Variants in GPT2 observed in about 807,000 individuals in gnomAD.
The protein encoded by GPT2 is alanine aminotransferase 2.
A neutral mutation model predicts 56.9 loss-of-function variants in GPT2; 30 were observed. The ratio of observed to expected loss-of-function variants is 0.53; its 90% CI spans 0.39 to 0.72. GPT2 has a LOEUF of 0.72. GPT2 is among the 30% of genes least tolerant of loss of function. The pLI, the probability that GPT2 is intolerant of heterozygous loss-of-function variation, is 0.00. For synonymous variants in GPT2, 271 were observed against 283.1 expected, an observed-to-expected ratio of 0.96 and a Z score of 0.43; for missense variants, 542 against 703.4, an observed-to-expected ratio of 0.77 and a Z score of 2.60.
chr16:46,897,372 CA>C (rs1308990453), intron 2 of GPT2, among the ~76,000 whole-genome samples: 1 of 151,900 alleles, frequency 6.6e-6, no homozygotes, highest in African/African-American at 2.4e-5. Flanking sequence ...GCCTCTGTCT[CA>C]AAAAAATAAA....
At chr16:46,910,659 G>C (rs919208195) in intron 6 of GPT2, among the ~76,000 whole-genome samples, 1 of 152,222 alleles carries the variant, frequency 6.6e-6, no homozygotes, top group African/African-American at 2.4e-5. Flanking sequence ...TGAAGTGCAA[G>C]TGGTATGATC....
chr16:46,924,907 C>T (rs1961372676), intron 10 of GPT2, among the ~76,000 whole-genome samples: 1 of 152,054 alleles, frequency 6.6e-6, no homozygotes. Flanking sequence ...TCAGTGTGTG[C>T]ACCGATCACC....
At chr16:46,923,964 C>G (rs2143557870) in intron 9 of GPT2, 1 of 321,414 alleles carries the variant, frequency 3.1e-6, no homozygotes, top group African/African-American at 2.1e-5. Context: ...GAACCCATGA[C>G]ACAGGCTGCT....
At chr16:46,884,536 GGC>G in intron 1 of GPT2, 69 bp downstream of exon 1, 1 of 686,940 alleles carries the variant, frequency 1.5e-6, no homozygotes, top group Non-Finnish European at 2.0e-6. Context: ...GTGCTTCAGC[GGC>G]GCCGTGGAGG....
Position 46,924,366 on chromosome 16 carries a change from G to A in GPT2, c.1213-23G>A, listed in dbSNP as rs771361239. ...TCTTTATCCAGAGATACTGACTGCT[G>A]TGCTGTTTCCATCTCTCATCAGGAG... On this transcript the variant is annotated intron_variant, in intron 9 of 11. Transcript: ENST00000340124. 4 of 1,613,704 alleles carry A rather than the reference G, an allele frequency of 2.5e-6. No homozygotes were observed. In the Admixed American group the frequency reaches 6.7e-5, roughly 27 times the overall value.
At chr16:46,910,842 C>G (rs998364164) in intron 6 of GPT2, among the ~76,000 whole-genome samples, 1 of 152,106 alleles carries the variant, frequency 6.6e-6, no homozygotes, top group African/African-American at 2.4e-5. Flanking sequence ...TCAAGTGATC[C>G]TCCCAAAGCA....
intron 2 of GPT2, among the ~76,000 whole-genome samples, chr16:46,891,504 A>C (rs1057284009): frequency 5.9e-5 from 9 of 151,894 alleles, no homozygotes; most frequent in African/African-American, 2.2e-4. Flanking sequence ...CCTGACTTCA[A>C]GGGATTACCC....
At chr16:46,907,942 C>T (rs1319446860) in intron 5 of GPT2, among the ~76,000 whole-genome samples, 1 of 152,024 alleles carries the variant, frequency 6.6e-6, no homozygotes, top group East Asian at 2.0e-4. Flanking sequence ...GTCTACAGTC[C>T]TGGGCTTGGG....
At chr16:46,884,602 G>T in intron 1 of GPT2, 92 bp from the exon 2 acceptor site, 3 of 1,256,860 alleles carry the variant, frequency 2.4e-6, no homozygotes, top group Non-Finnish European at 2.0e-6. Flanking sequence ...GGCACCGCTC[G>T]CTGAAAGAGC....
intron 2 of GPT2, among the ~76,000 whole-genome samples, chr16:46,896,780 G>C (rs1444271670): frequency 6.6e-6 from 1 of 152,222 alleles, no homozygotes; most frequent in African/African-American, 2.4e-5. Flanking sequence ...GGGATGCTTG[G>C]GCAGCCAGAA....
At chr16:46,923,639 C>T (rs905191771) in intron 9 of GPT2, among the ~76,000 whole-genome samples, 3 of 152,236 alleles carry the variant, frequency 2.0e-5, no homozygotes, top group East Asian at 3.8e-4. Context: ...ACACCTTCCA[C>T]GCCACTTGGC....
chr16:46,928,758 T>A (rs1021309067), intron 11 of GPT2, 149 bp from the exon 12 acceptor site: 2 of 631,064 alleles, frequency 3.2e-6, no homozygotes, highest in Non-Finnish European at 5.7e-6. Flanking sequence ...GGGAAAGTGG[T>A]CCAAGTGCTG....
At chr16:46,927,643 C>T (rs186268731) in intron 11 of GPT2, among the ~76,000 whole-genome samples, 4 of 152,306 alleles carry the variant, frequency 2.6e-5, no homozygotes, top group African/African-American at 9.6e-5. Context: ...CAGAGGTCTC[C>T]TGCGGCAGAT....
At chr16:46,902,137 A>G (rs1351471285) in intron 4 of GPT2, among the ~76,000 whole-genome samples, 1 of 152,216 alleles carries the variant, frequency 6.6e-6, no homozygotes, top group Non-Finnish European at 1.5e-5. Flanking sequence ...AAGCCTCATC[A>G]ACAGGTTTTT....
chr16:46,885,609 T>C (rs1206297854), intron 2 of GPT2: 3 of 911,334 alleles, frequency 3.3e-6, no homozygotes, highest in Non-Finnish European at 3.9e-6. Flanking sequence ...CCTGTCGGGC[T>C]TTGGTAAGGG....
At chr16:46,923,389 C>T (rs1307802850) in intron 9 of GPT2, among the ~76,000 whole-genome samples, 2 of 152,160 alleles carry the variant, frequency 1.3e-5, no homozygotes, top group East Asian at 1.9e-4. Flanking sequence ...ACCCAGGAGG[C>T]GGAGGTTGCA....
rs193210104 is a variant in GPT2 at position 46,886,551 on chromosome 16, G to C, written c.243+1593G>C. The stretch of plus-strand genomic sequence containing the variant: ...TGGGATTTTTTAGCAGGCAGAATAC[G>C]TGAGAGCCTTCCAAGTGGGAGCAGT... On this transcript the variant is annotated intron_variant, in intron 2 of 11. Coordinates refer to ENST00000340124, the MANE Select transcript of GPT2 (RefSeq NM_133443.4). 7.7e-4 allele frequency among the ~76,000 whole-genome samples: 118 copies of C among 152,268 alleles called. 1 individual carries two copies. The highest frequency in any genetic ancestry group is 1.6e-3 in the Non-Finnish European group (108 of 68,008).
intron 8 of GPT2, among the ~76,000 whole-genome samples, chr16:46,919,843 CTGGATGT>C (rs1596631641): frequency 6.6e-6 from 1 of 151,966 alleles, no homozygotes; most frequent in East Asian, 1.9e-4. Flanking sequence ...GGAGAGGATC[CTGGATGT>C]ATTTGAAGGT....
chr16:46,889,246 ATTTTTTTTT>A (rs35803215), intron 2 of GPT2, among the ~76,000 whole-genome samples: 1,522 of 94,944 alleles, frequency 0.016, 15 homozygotes, highest in Non-Finnish European at 0.022. Context: ...CAGGCTGTTA[ATTTTTTTTT>A]TTTTTTTTTT....
Sources: gnomAD v4.1 joint callset for allele counts (sites outside exome capture counted in the v4.1 genomes callset) on GRCh38, gnomAD v4.1.1 for gene constraint, MANE v1.5 for transcripts, NCBI Gene and HGNC (gene_info 2026-07-23, HGNC 2026-07-21) for gene names.